The following DRGX variants were observed in gnomAD, a reference collection of about 807,000 sequenced individuals.
The protein encoded by DRGX is dorsal root ganglia homeobox protein.
DRGX carries 21 observed loss-of-function variants against 28.6 expected under a neutral mutation model. The observed-to-expected ratio is 0.73, with a 90% CI of 0.52 to 1.06. The LOEUF is 1.06. Ranked by LOEUF, DRGX falls within the 50% of genes least tolerant of loss-of-function variation. The pLI is 0.00. For missense variants in DRGX, 354 were observed against 343.9 expected, an observed-to-expected ratio of 1.03 and a Z score of -0.23; for synonymous variants, 136 against 139.1, an observed-to-expected ratio of 0.98 and a Z score of 0.16.
chr10:49,380,087 C>T (rs1849758126), intron 6 of DRGX, among the ~76,000 whole-genome samples: 1 of 152,246 alleles, frequency 6.6e-6, no homozygotes, highest in Admixed American at 6.5e-5. Context: ...CCACCTTGCC[C>T]AGAAGGCTTA....
chr10:49,394,916 A>G (rs1350817347), intron 2 of DRGX, among the ~76,000 whole-genome samples: 34 of 152,054 alleles, frequency 2.2e-4, no homozygotes. Context: ...CCCAGAATCC[A>G]GGGCGGAAGA....
At chr10:49,374,651 G>T (rs1253392587) in intron 6 of DRGX, among the ~76,000 whole-genome samples, 3 of 152,168 alleles carry the variant, frequency 2.0e-5, no homozygotes, top group African/African-American at 4.8e-5. Flanking sequence ...TGCTTTAAAG[G>T]CTTGGTCTGA....
chr10:49,386,617 G>A (rs1210103602), intron 5 of DRGX, 27 bp from the exon 6 acceptor site: 1 of 1,593,132 alleles, frequency 6.3e-7, no homozygotes, highest in Non-Finnish European at 8.5e-7. Context: ...ATCATATTGA[G>A]GTCTCGCCCT....
chr10:49,386,295 G>A lies in DRGX; in HGVS notation c.526+183C>T, dbSNP rs1249756375. On this transcript the variant is annotated intron_variant, in intron 6 of 6. Coordinates refer to ENST00000374139, the MANE Select transcript of DRGX (RefSeq NM_001276451.2). Reference sequence around the variant, plus strand: ...AGGACATTCTCTCTATGCTCAGGACGCATGTAGGAAGCAATCAAGATAGCA... The same window carrying A: ...AGGACATTCTCTCTATGCTCAGGACACATGTAGGAAGCAATCAAGATAGCA... 3.9e-5 allele frequency among the ~76,000 whole-genome samples: 6 copies of A among 152,162 alleles called. No individual in the cohort carries two copies. The South Asian group carries it at 6.2e-4, about 16-fold the overall frequency.
intron 6 of DRGX, among the ~76,000 whole-genome samples, chr10:49,386,006 C>T (rs17774906): frequency 0.03 from 4,546 of 152,218 alleles, 119 homozygotes; most frequent in Non-Finnish European, 0.033. Flanking sequence ...CAACAGCCAC[C>T]GAGAAGAGAG....
At position 49,391,154 on chromosome 10, in the gene DRGX, A is replaced by C. The variant is rs374533850; in HGVS notation, c.132+10T>G. On this transcript the variant is annotated intron_variant, in intron 3 of 6. Transcript: ENST00000374139. ...TAGCTGATGTTTGAAAGGAGAATCAACGTTGGTACCTGCTGAAGAGTGAAC... is the reference window on the plus strand; with the variant it reads ...TAGCTGATGTTTGAAAGGAGAATCACCGTTGGTACCTGCTGAAGAGTGAAC... The C allele has an allele frequency of 3.1e-6, 5 of 1,613,418 alleles. No homozygotes were observed. In the Admixed American group the frequency reaches 5.0e-5, roughly 16 times the overall value.
chr10:49,388,235 T>G (rs1020753804), intron 4 of DRGX, among the ~76,000 whole-genome samples: 15 of 152,220 alleles, frequency 9.9e-5, no homozygotes, highest in Admixed American at 9.8e-4. Context: ...ATCCTGCTGC[T>G]GTTTACTCCT....
chr10:49,395,301 C>T (rs1054478839), intron 2 of DRGX, 106 bp downstream of exon 2: 5 of 1,401,878 alleles, frequency 3.6e-6, no homozygotes, highest in Non-Finnish European at 4.9e-6. Flanking sequence ...GGCGGCTGCG[C>T]CCCCCGCAGG....
At chr10:49,391,362 G>A in intron 2 of DRGX, 101 bp from the exon 3 acceptor site, 1 of 867,588 alleles carries the variant, frequency 1.2e-6, no homozygotes. Flanking sequence ...CACCAGACAG[G>A]AAGCCCTGTT....
rs149540726 is a variant in DRGX at position 49,372,681 on chromosome 10, C to T, written c.527-6300G>A. Among the ~76,000 whole-genome samples, 955 of 152,294 alleles carry T rather than the reference C, an allele frequency of 6.3e-3. 11 individuals are homozygous for T. The highest frequency in any genetic ancestry group is 0.022 in the African/African-American group (898 of 41,560). On this transcript the variant is annotated intron_variant, in intron 6 of 6. Transcript: ENST00000374139. ...TCCCCAGAGGACACCATGATGGACACGAGACCTGCAACAGTACTCATGCAC... is the reference window on the plus strand; with the variant it reads ...TCCCCAGAGGACACCATGATGGACATGAGACCTGCAACAGTACTCATGCAC...
At chr10:49,388,338 G>A (rs1400604684) in intron 4 of DRGX, among the ~76,000 whole-genome samples, 3 of 152,206 alleles carry the variant, frequency 2.0e-5, no homozygotes, top group Admixed American at 6.5e-5. Context: ...CAATTCCCCA[G>A]GGCATCCTCT....
chr10:49,385,837 C>T (rs1306399583), intron 6 of DRGX, among the ~76,000 whole-genome samples: 1 of 152,100 alleles, frequency 6.6e-6, no homozygotes, highest in Non-Finnish European at 1.5e-5. Context: ...AGCTGTGCAG[C>T]CTGATCACTG....
At chr10:49,383,006 G>C (rs1347306995) in intron 6 of DRGX, among the ~76,000 whole-genome samples, 1 of 152,040 alleles carries the variant, frequency 6.6e-6, no homozygotes, top group African/African-American at 2.4e-5. Context: ...CCCCACCCAG[G>C]GTCCTGGAGC....
chr10:49,395,286 C>T (rs1168228957), intron 2 of DRGX, 121 bp downstream of exon 2: 2 of 1,273,512 alleles, frequency 1.6e-6, no homozygotes, highest in African/African-American at 1.5e-5. Flanking sequence ...CCCTACTCAC[C>T]GGCAGGCGGC....
rs769152919 is a variant in DRGX at position 49,391,240 on chromosome 10, T to C, written c.56A>G (p.His19Arg). The change falls in exon 3 of 7, where the codon CAC becomes CGC. Residue 19 changes from histidine (H) to arginine (R), a missense_variant. Coordinates refer to ENST00000374139, the MANE Select transcript of DRGX (RefSeq NM_001276451.2). ...CCCGTCATCAAAATCCCCCGAAGAG[T>C]GATTGCCAAAGGTTGCAGTGCCTAC... The part of the protein sequence containing the change: ...QLEGTATFGN[H>R]SSGDFDDGFL... 6.2e-6 allele frequency: 10 copies of C among 1,610,588 alleles called. No individual in the cohort carries two copies. The highest frequency in any genetic ancestry group is 8.5e-6 in the Non-Finnish European group (10 of 1,178,566).
At chr10:49,374,923 C>T (rs939436706) in intron 6 of DRGX, among the ~76,000 whole-genome samples, 3 of 152,110 alleles carry the variant, frequency 2.0e-5, no homozygotes, top group Non-Finnish European at 4.4e-5. Context: ...AGACGTCTAA[C>T]GCAAACAGCA....
chr10:49,386,781 C>T lies in DRGX; in HGVS notation c.312G>A (p.Glu104=), dbSNP rs1231368932. ...GAGGAGGTGTCACCTCTGCCATGGG[C>T]TCCTTGGCTCCTGGCTCCTGGTCTG... ...GASDQEPGAK[E]PMAEVTPPPV... is the part of the protein sequence containing the mutation. Residue 104 remains glutamate (E), a synonymous_variant, in exon 5 of 7, where the codon GAG becomes GAA. Transcript: ENST00000374139. 1 of 1,609,990 alleles carries T rather than the reference C, an allele frequency of 6.2e-7. No individual in the cohort carries two copies. Among genetic ancestry groups the T allele is most frequent in the Non-Finnish European group, 8.5e-7 (1 of 1,178,200 alleles).
In DRGX at chr10:49,366,453, G is replaced by C. The variant is rs543215196; in HGVS notation, c.527-72C>G. On this transcript the variant is annotated intron_variant, in intron 6 of 6. Transcript: ENST00000374139. ...CTCTCAGGGCTGGGTGACAGGAAAC[G>C]ATCTGAGTTCTGAAGGACAGAAAGA... The C allele has an allele frequency of 4.1e-5, 62 of 1,518,478 alleles. No homozygotes were observed. The East Asian group carries it at 1.4e-3, about 33-fold the overall frequency. The allele number at this position is 1,518,478 out of a possible 1,614,324, so 94.1% of individuals were successfully genotyped here. A position where few individuals can be genotyped will look rare whatever the true frequency, so the allele number is the denominator to read the frequency against.
intron 6 of DRGX, among the ~76,000 whole-genome samples, chr10:49,385,148 G>C (rs952185543): frequency 1.3e-5 from 2 of 152,160 alleles, no homozygotes; most frequent in Admixed American, 6.5e-5. Flanking sequence ...TGCTCTATGG[G>C]GTTGGGGAGT....
Sources: gnomAD v4.1 joint callset for allele counts (sites outside exome capture counted in the v4.1 genomes callset) on GRCh38, gnomAD v4.1.1 for gene constraint, MANE v1.5 for transcripts, NCBI Gene and HGNC (gene_info 2026-07-23, HGNC 2026-07-21) for gene names.